RPS6KA2: variants seen among roughly 807,000 people sequenced by gnomAD.
RPS6KA2 encodes ribosomal protein S6 kinase alpha-2.
A neutral mutation model predicts 91.8 loss-of-function variants in RPS6KA2; 42 were observed. The observed-to-expected ratio is 0.46, with a 90% CI of 0.36 to 0.59. The LOEUF is 0.59. Among genes scored for constraint, RPS6KA2 ranks in the 20% least tolerant of loss-of-function variants. RPS6KA2 has a pLI of 0.00. For missense variants in RPS6KA2, 798 were observed against 978.5 expected (o/e 0.82, Z 2.46); for synonymous variants, 414 against 393.6 (o/e 1.05, Z -0.61).
intron 2 of RPS6KA2, among the ~76,000 whole-genome samples, chr6:166,805,602 C>T (rs138375055): frequency 9.2e-5 from 14 of 152,256 alleles, no homozygotes; most frequent in African/African-American, 2.9e-4. Flanking sequence ...CAGTCTGATC[C>T]TTGACACAGA....
chr6:166,653,635 A>G (rs1787925184), intron 2 of RPS6KA2, among the ~76,000 whole-genome samples: 1 of 152,228 alleles, frequency 6.6e-6, no homozygotes, highest in Non-Finnish European at 1.5e-5. Context: ...AAAAATAGCT[A>G]ATAGCATTCT....
At chr6:166,623,918 A>G (rs16899261) in intron 1 of RPS6KA2, among the ~76,000 whole-genome samples, 2,634 of 152,328 alleles carry the variant, frequency 0.017, 81 homozygotes, top group African/African-American at 0.06. Flanking sequence ...AACTGTTTCC[A>G]AATATGATTA....
At chr6:166,745,872 G>A (rs1790992191) in intron 2 of RPS6KA2, among the ~76,000 whole-genome samples, 1 of 152,130 alleles carries the variant, frequency 6.6e-6, no homozygotes, top group Admixed American at 6.5e-5. Context: ...TCTACAACTG[G>A]TGACTCAAAA....
At chr6:166,785,885 C>T (rs1340075832) in intron 2 of RPS6KA2, among the ~76,000 whole-genome samples, 1 of 152,092 alleles carries the variant, frequency 6.6e-6, no homozygotes, top group Non-Finnish European at 1.5e-5. Context: ...TACCTTTCTT[C>T]CTTTTTGTTC....
At chr6:166,678,801 G>T (rs901158606) in intron 2 of RPS6KA2, among the ~76,000 whole-genome samples, 1 of 152,226 alleles carries the variant, frequency 6.6e-6, no homozygotes, top group Non-Finnish European at 1.5e-5. Flanking sequence ...TTTCTGCTGC[G>T]CCTTGAGCCC....
intron 1 of RPS6KA2, among the ~76,000 whole-genome samples, chr6:166,861,648 A>T (rs1268890862): frequency 6.6e-6 from 1 of 152,172 alleles, no homozygotes; most frequent in African/African-American, 2.4e-5. Flanking sequence ...TTCGTTTAAG[A>T]TCACATTATC....
Position 166,490,760 on chromosome 6 carries a change from C to A in RPS6KA2, c.748-19G>T, listed in dbSNP as rs777086218. The A allele has an allele frequency of 2.5e-6, 4 of 1,599,370 alleles. No homozygotes were observed. The Admixed American group carries it at 6.7e-5, about 27-fold the overall frequency. On this transcript the variant is annotated intron_variant, in intron 8 of 20. Transcript: ENST00000265678. This position sits in a 1 kb window ranked among gnomAD's most constrained non-coding sequence, Gnocchi z 4.2. The stretch of plus-strand genomic sequence containing the variant: ...TCTCAAACTGCAGAGCAACACAGAG[C>A]ACAGTGAGTTCATTCATCCAGATGG...
At chr6:166,722,950 C>T (rs1269380613) in intron 2 of RPS6KA2, among the ~76,000 whole-genome samples, 4 of 152,196 alleles carry the variant, frequency 2.6e-5, no homozygotes, top group Admixed American at 6.5e-5. Context: ...CCACCGCCTC[C>T]AAGGTCTGTC....
intron 1 of RPS6KA2, among the ~76,000 whole-genome samples, chr6:166,547,611 T>C (rs965027755): frequency 6.6e-6 from 1 of 152,266 alleles, no homozygotes; most frequent in Non-Finnish European, 1.5e-5. Flanking sequence ...GAAGAGGCCA[T>C]TCCGGCAGGC....
At chr6:166,570,200 C>T (rs1472069208) in intron 1 of RPS6KA2, among the ~76,000 whole-genome samples, 2 of 152,176 alleles carry the variant, frequency 1.3e-5, no homozygotes, top group African/African-American at 4.8e-5. Context: ...GGTCTCAGAC[C>T]CAGGAGCTTC....
At position 166,513,708 on chromosome 6, in the gene RPS6KA2, T is replaced by C. The variant is rs976713329; in HGVS notation, c.299-3351A>G. ...GAGGAAAAGGGGGAAGCAAGCAACCTGGGCTGAAGGAGATTTAATGAGAGG... is the reference window on the plus strand; with the variant it reads ...GAGGAAAAGGGGGAAGCAAGCAACCCGGGCTGAAGGAGATTTAATGAGAGG... On this transcript the variant is annotated intron_variant, in intron 3 of 20. Coordinates refer to ENST00000265678, the MANE Select transcript of RPS6KA2 (RefSeq NM_021135.6). 2.6e-5 allele frequency among the ~76,000 whole-genome samples: 4 copies of C among 152,140 alleles called. No individual in the cohort carries two copies. The East Asian group carries it at 7.7e-4, about 29-fold the overall frequency.
intron 1 of RPS6KA2, among the ~76,000 whole-genome samples, chr6:166,550,894 G>A (rs565225020): frequency 4.5e-4 from 68 of 151,274 alleles, no homozygotes; most frequent in Middle Eastern, 3.4e-3. Context: ...CCAGCTACTC[G>A]GGAGGCTGAG....
rs1377126024 is a variant in RPS6KA2 at position 166,767,771 on chromosome 6, TCAAACA to T, written c.123+90423_123+90428del. Reference sequence around the variant, plus strand: ...ATTAAGAACTAAAGACAATACCTCCTCAAACACACACACACACACACACACACACAC... The same window carrying T: ...ATTAAGAACTAAAGACAATACCTCCTCACACACACACACACACACACACAC... On this transcript the variant is annotated intron_variant, in intron 2 of 21. Transcript: ENST00000503859. The surrounding 1 kb of genome is among the most constrained non-coding windows in gnomAD (Gnocchi z 4.6). 8.3e-5 allele frequency among the ~76,000 whole-genome samples: 8 copies of T among 95,956 alleles called. No individual in the cohort carries two copies. Among genetic ancestry groups the T allele is most frequent in the Non-Finnish European group, 1.2e-4 (6 of 49,422 alleles). 63.0% of individuals were successfully genotyped at this position (95,956 alleles called of 152,430 possible).
chr6:166,420,106 G>T, intron 17 of RPS6KA2, 148 bp from the exon 18 acceptor site: 2 of 694,486 alleles, frequency 2.9e-6, no homozygotes, highest in Non-Finnish European at 5.0e-6. Flanking sequence ...GTTTCTTAAG[G>T]CAAAGCCAAC....
chr6:166,751,717 C>A (rs963684007), intron 2 of RPS6KA2, among the ~76,000 whole-genome samples: 1 of 152,250 alleles, frequency 6.6e-6, no homozygotes, highest in Admixed American at 6.5e-5. Context: ...AAACTTTGCA[C>A]CATTCGCATC....
rs935096375 is a variant in RPS6KA2, at chr6:166,648,517, G to A, written c.124-109733C>T. Among the ~76,000 whole-genome samples the A allele has an allele frequency of 3.9e-5, 6 of 152,294 alleles. No individual in the cohort carries two copies. The Middle Eastern group carries it at 0.01, about 259-fold the overall frequency. ...ACAAACAGGCAGCTGGCACGGGAAG[G>A]GGACGGGCATTTAATAAATGTTTCT... On this transcript the variant is annotated intron_variant, in intron 2 of 21. Transcript: ENST00000503859. This position sits in a 1 kb window ranked among gnomAD's most constrained non-coding sequence, Gnocchi z 4.8.
At position 166,849,906 on chromosome 6, in the gene RPS6KA2, C is replaced by A. The variant is rs745118; in HGVS notation, c.123+8294G>T. Among the ~76,000 whole-genome samples, 80,499 of 152,046 alleles carry A rather than the reference C, an allele frequency of 0.53. 24,042 individuals carry two copies. Among genetic ancestry groups the A allele is most frequent in the Middle Eastern group, 0.73 (215 of 294 alleles). On this transcript the variant is annotated intron_variant, in intron 2 of 21. Transcript: ENST00000503859. This position sits in a 1 kb window ranked among gnomAD's most constrained non-coding sequence, Gnocchi z 4.9. ...GTTCAGGGACCAGGGGCACTCATGC[C>A]TGGCTCCGCTGTGCCCACGGGGCCT...
At chr6:166,451,281 C>A in intron 12 of RPS6KA2, 48 bp from the exon 13 acceptor site, 2 of 1,607,080 alleles carry the variant, frequency 1.2e-6, no homozygotes, top group South Asian at 2.2e-5. Context: ...GCTGGGTGAC[C>A]CTGGGGTGAA....
At chr6:166,682,104 A>G (rs1382629041) in intron 2 of RPS6KA2, among the ~76,000 whole-genome samples, 1 of 152,224 alleles carries the variant, frequency 6.6e-6, no homozygotes, top group South Asian at 2.1e-4. Context: ...TTTAAGCTAC[A>G]GGCAATTTAC....
Sources: allele counts gnomAD v4.1 joint callset (sites outside exome capture counted in the v4.1 genomes callset), GRCh38; gene constraint gnomAD v4.1.1; non-coding constraint Gnocchi (gnomAD v3.1); transcripts MANE v1.5; gene names NCBI Gene and HGNC (gene_info 2026-07-23, HGNC 2026-07-21).